Variants in DPYS observed in about 807,000 individuals in gnomAD.
The protein encoded by DPYS is dihydropyrimidinase, also known as dihydropyrimidine amidohydrolase.
A neutral mutation model predicts 50.3 loss-of-function variants in DPYS; 39 were observed. That is an observed-to-expected ratio of 0.78 (90% confidence interval 0.60 to 1.01). DPYS has a LOEUF of 1.01. Ranked by LOEUF, DPYS falls within the 50% of genes least tolerant of loss-of-function variation. The pLI is 0.00. For synonymous variants in DPYS, 245 were observed against 250.7 expected (o/e 0.98, Z 0.22); for missense variants, 659 against 680.9 (o/e 0.97, Z 0.36).
At chr8:104,387,080 A>C (rs1811234953) in intron 8 of DPYS, among the ~76,000 whole-genome samples, 1 of 152,194 alleles carries the variant, frequency 6.6e-6, no homozygotes, top group Non-Finnish European at 1.5e-5. Context: ...GGTCAACAGC[A>C]AGCAGACCAA....
intron 9 of DPYS, chr8:104,380,789 C>A (rs567611976): frequency 8.9e-5 from 15 of 168,234 alleles, no homozygotes; most frequent in African/African-American, 3.1e-4. Flanking sequence ...AATTTTAGAA[C>A]ACCGTTGTAT....
intron 6 of DPYS, among the ~76,000 whole-genome samples, chr8:104,425,659 G>A (rs548739066): frequency 9.1e-4 from 138 of 152,134 alleles, no homozygotes; most frequent in African/African-American, 3.2e-3. Flanking sequence ...CAACTCAAGA[G>A]GTTCAATTTT....
intron 7 of DPYS, among the ~76,000 whole-genome samples, chr8:104,422,862 G>C (rs1812592163): frequency 6.6e-6 from 1 of 152,206 alleles, no homozygotes; most frequent in Admixed American, 6.5e-5. Context: ...GCCCGCTGTA[G>C]AGTGATATTT....
Position 104,466,890 on chromosome 8 carries a change from C to A in DPYS, c.31G>T (p.Gly11Trp), listed in dbSNP as rs546133393. The A allele has an allele frequency of 2.6e-6, 4 of 1,512,924 alleles. No individual in the cohort carries two copies. The highest frequency in any genetic ancestry group is 2.5e-5 in the South Asian group (2 of 81,516). 93.7% of individuals were successfully genotyped at this position (1,512,924 alleles called of 1,614,324 possible). The change falls in exon 1 of 10, where the codon GGG becomes TGG. Residue 11 changes from glycine (G) to tryptophan (W), a missense_variant. Transcript: ENST00000351513. ...AAGTCATCGTTGACCACGCGACCCC[C>A]GCGGATCAGGAGCCGCGAGGGCGCC... MAAPSRLLIR[G>W]GRVVNDDFSE...
rs576005451 is a variant in DPYS, at chr8:104,447,252, A to G, written c.603+72T>C. 3.2e-6 allele frequency: 5 copies of G among 1,555,354 alleles called. No homozygotes were observed. The South Asian group carries it at 5.6e-5, about 18-fold the overall frequency. On this transcript the variant is annotated intron_variant, in intron 3 of 9. Coordinates refer to ENST00000351513, the MANE Select transcript of DPYS (RefSeq NM_001385.3). The stretch of plus-strand genomic sequence containing the variant: ...ATGCATTAAATGAGTTTACCTATGT[A>G]GGCCCAATCATCTTCACCTTATGTT...
intron 7 of DPYS, chr8:104,419,168 G>A: frequency 1.7e-6 from 1 of 589,754 alleles, no homozygotes; most frequent in Non-Finnish European, 2.1e-6. Context: ...TTCTAACACA[G>A]TCATGTATTG....
intron 7 of DPYS, among the ~76,000 whole-genome samples, chr8:104,413,998 C>T (rs1297700267): frequency 1.3e-5 from 2 of 152,156 alleles, no homozygotes; most frequent in African/African-American, 4.8e-5. Context: ...GGAAGGCTTA[C>T]TGGGAGCCAG....
chr8:104,424,227 A>C lies in DPYS; in HGVS notation c.1235+20T>G. 1 of 1,614,086 alleles carries C rather than the reference A, an allele frequency of 6.2e-7. No individual in the cohort carries two copies. Among genetic ancestry groups the C allele is most frequent in the Middle Eastern group, 1.7e-4 (1 of 6,060 alleles). On this transcript the variant is annotated intron_variant, in intron 7 of 9. Transcript: ENST00000351513. ...ATTTTCTCCACAATGAAGCCAAGGA[A>C]TACAAGAACTTAGACTTACCTTGTG...
Position 104,461,406 on chromosome 8 carries a change from G to A in DPYS, c.264+5251C>T, listed in dbSNP as rs113278793. 5.2e-3 allele frequency among the ~76,000 whole-genome samples: 794 copies of A among 152,266 alleles called. 10 individuals carry two copies. Among genetic ancestry groups the A allele is most frequent in the African/African-American group, 0.018 (758 of 41,538 alleles). On this transcript the variant is annotated intron_variant, in intron 1 of 9. Coordinates refer to ENST00000351513, the MANE Select transcript of DPYS (RefSeq NM_001385.3). ...AATGATAATGGGCACATAAACTGAA[G>A]AGCAGTCTGAATGAATGTATTAAAC... is the stretch of plus-strand genomic sequence containing the variant.
chr8:104,394,438 C>T (rs1381285450), intron 7 of DPYS, among the ~76,000 whole-genome samples: 1 of 152,148 alleles, frequency 6.6e-6, no homozygotes, highest in Non-Finnish European at 1.5e-5. Flanking sequence ...ACATCACCAT[C>T]TATCTTTCCT....
chr8:104,466,995 G>T lies in DPYS; in HGVS notation c.-75C>A, dbSNP rs995440102. The T allele has an allele frequency of 2.9e-6, 4 of 1,357,760 alleles. No individual in the cohort carries two copies. The highest frequency in any genetic ancestry group is 3.8e-6 in the Non-Finnish European group (4 of 1,061,046). The allele number at this position is 1,357,760 out of a possible 1,614,324, so 84.1% of individuals were successfully genotyped here. ...GGGTTGGGCGGGCCGGGCGGGCTTGGGGTGCCCTCCTGCAAGGTCCCCACC... is the reference window on the plus strand; with the variant it reads ...GGGTTGGGCGGGCCGGGCGGGCTTGTGGTGCCCTCCTGCAAGGTCCCCACC... On this transcript the variant is annotated 5_prime_UTR_variant, in exon 1 of 10. Transcript: ENST00000351513.
chr8:104,385,382 C>G (rs1333484496), intron 8 of DPYS, among the ~76,000 whole-genome samples: 1 of 152,136 alleles, frequency 6.6e-6, no homozygotes, highest in African/African-American at 2.4e-5. Flanking sequence ...GTAACATCAT[C>G]TAAAATTATT....
chr8:104,391,034 T>C (rs2140516651), intron 8 of DPYS, among the ~76,000 whole-genome samples: 1 of 152,300 alleles, frequency 6.6e-6, no homozygotes, highest in South Asian at 2.1e-4. Flanking sequence ...ATATTAACTG[T>C]AACCTTAAAC....
At chr8:104,402,199 C>T (rs1811839814) in intron 7 of DPYS, among the ~76,000 whole-genome samples, 1 of 152,126 alleles carries the variant, frequency 6.6e-6, no homozygotes, top group Admixed American at 6.5e-5. Context: ...CCTCCTATGC[C>T]TCACACAGTA....
intron 1 of DPYS, among the ~76,000 whole-genome samples, chr8:104,456,011 G>A (rs1813909798): frequency 6.6e-6 from 1 of 152,014 alleles, no homozygotes. Flanking sequence ...TATGACGGTG[G>A]CCCCATAAGA....
intron 1 of DPYS, among the ~76,000 whole-genome samples, chr8:104,463,620 T>C (rs1292297476): frequency 1.3e-5 from 2 of 152,208 alleles, no homozygotes; most frequent in African/African-American, 4.8e-5. Flanking sequence ...TGTAAAAAAG[T>C]AGACAATGGC....
chr8:104,418,910 G>C, intron 7 of DPYS: 9 of 612,576 alleles, frequency 1.5e-5, no homozygotes, highest in Non-Finnish European at 1.8e-5. Context: ...TGTGGCTGTT[G>C]TATAAGCTTG....
intron 4 of DPYS, among the ~76,000 whole-genome samples, chr8:104,436,196 G>A (rs1424824970): frequency 9.2e-5 from 14 of 152,168 alleles, no homozygotes; most frequent in Admixed American, 7.2e-4. Flanking sequence ...ATCCATGCCC[G>A]TTCCCACACT....
At chr8:104,448,909 T>C (rs1297404055) in intron 2 of DPYS, among the ~76,000 whole-genome samples, 1 of 152,194 alleles carries the variant, frequency 6.6e-6, no homozygotes, top group Non-Finnish European at 1.5e-5. Context: ...ATAGCAGTCC[T>C]TACTTGCTGA....
Sources: allele counts gnomAD v4.1 joint callset (sites outside exome capture counted in the v4.1 genomes callset), GRCh38; gene constraint gnomAD v4.1.1; transcripts MANE v1.5; gene names NCBI Gene and HGNC (gene_info 2026-07-23, HGNC 2026-07-21).